The following CSMD1 variants were observed in gnomAD, a reference collection of about 807,000 sequenced individuals.
The protein encoded by CSMD1 is CUB and Sushi multiple domains 1, also known as CUB and sushi domain-containing protein 1.
In CSMD1, 213 loss-of-function variants were observed where a neutral mutation model predicts 417.5. The observed-to-expected ratio is 0.51, with a 90% CI of 0.46 to 0.57. The LOEUF (loss-of-function observed/expected upper bound fraction) is 0.57, where lower values mean the gene tolerates loss of function less well. Ranked by LOEUF, CSMD1 falls within the 20% of genes least tolerant of loss-of-function variation. CSMD1 has a pLI of 0.00. For synonymous variants in CSMD1, 2,862 were observed against 1,736.8 expected, an observed-to-expected ratio of 1.65 and a Z score of -16.11; for missense variants, 6,923 against 4,529.7, an observed-to-expected ratio of 1.53 and a Z score of -15.17.
chr8:3,980,124 A>G (rs1813738381), intron 5 of CSMD1, among the ~76,000 whole-genome samples: 1 of 133,614 alleles, frequency 7.5e-6, no homozygotes, highest in Non-Finnish European at 1.6e-5. Flanking sequence ...AATAGGTTTT[A>G]TCATTGTATA....
chr8:4,988,887 G>A (rs1340714197), intron 1 of CSMD1, among the ~76,000 whole-genome samples: 2 of 152,046 alleles, frequency 1.3e-5, no homozygotes, highest in Non-Finnish European at 2.9e-5. Flanking sequence ...AATTTCAGCT[G>A]GCTCAATTAT....
At chr8:4,747,000 C>T (rs934181632) in intron 1 of CSMD1, among the ~76,000 whole-genome samples, 20 of 152,128 alleles carry the variant, frequency 1.3e-4, no homozygotes, top group Non-Finnish European at 1.0e-4. Context: ...GCAGGGAACT[C>T]GTGAGAAGGC....
chr8:3,049,617 A>G (rs542304804), intron 50 of CSMD1, among the ~76,000 whole-genome samples: 1 of 136,830 alleles, frequency 7.3e-6, no homozygotes, highest in African/African-American at 2.6e-5. Context: ...AGGAGACTTT[A>G]AGGGCCACAA....
At chr8:3,489,596 G>A (rs1818255386) in intron 11 of CSMD1, among the ~76,000 whole-genome samples, 1 of 152,164 alleles carries the variant, frequency 6.6e-6, no homozygotes. Flanking sequence ...TTTTAAGCCT[G>A]ACATTCTATA....
At chr8:3,707,864 C>G (rs974663653) in intron 7 of CSMD1, among the ~76,000 whole-genome samples, 3 of 152,254 alleles carry the variant, frequency 2.0e-5, no homozygotes, top group East Asian at 3.9e-4. Context: ...GTGGGAGACA[C>G]CTTCATTCCT....
chr8:4,479,520 C>G (rs540955581), intron 2 of CSMD1, among the ~76,000 whole-genome samples: 2 of 152,116 alleles, frequency 1.3e-5, no homozygotes, highest in African/African-American at 2.4e-5. Context: ...ATACCTTTGC[C>G]TCTTATTTAC....
intron 1 of CSMD1, among the ~76,000 whole-genome samples, chr8:4,937,149 G>T (rs187682971): frequency 1.1e-4 from 16 of 152,262 alleles, no homozygotes; most frequent in African/African-American, 3.1e-4. Flanking sequence ...GGAGCTCAAG[G>T]CTGCAGTGAG....
chr8:4,394,048 T>C (rs984118148), intron 3 of CSMD1, among the ~76,000 whole-genome samples: 3 of 152,292 alleles, frequency 2.0e-5, no homozygotes, highest in African/African-American at 2.4e-5. Context: ...GAAGGGCTAA[T>C]ACTTCTCAGT....
chr8:3,988,847 A>T (rs572079839), intron 5 of CSMD1, among the ~76,000 whole-genome samples: 24 of 152,298 alleles, frequency 1.6e-4, no homozygotes, highest in Non-Finnish European at 5.9e-5. Flanking sequence ...TTTTTCCTTT[A>T]AAGTGATATT....
At chr8:4,183,815 A>T (rs1041602745) in intron 3 of CSMD1, among the ~76,000 whole-genome samples, 15 of 152,212 alleles carry the variant, frequency 9.9e-5, no homozygotes, top group Admixed American at 3.3e-4. Context: ...GTAAGTACTT[A>T]TTAAATGTCT....
At chr8:4,528,231 A>G (rs1796617716) in intron 2 of CSMD1, among the ~76,000 whole-genome samples, 1 of 152,140 alleles carries the variant, frequency 6.6e-6, no homozygotes, top group African/African-American at 2.4e-5. Context: ...TTCAGTGATA[A>G]GACAATATCT....
At chr8:4,575,599 A>G (rs1484190238) in intron 2 of CSMD1, among the ~76,000 whole-genome samples, 4 of 152,322 alleles carry the variant, frequency 2.6e-5, no homozygotes, top group Admixed American at 6.5e-5. Flanking sequence ...ATTCATTATG[A>G]TATGGTAGAC....
chr8:3,791,597 G>C (rs1314095884), intron 5 of CSMD1, among the ~76,000 whole-genome samples: 1 of 152,188 alleles, frequency 6.6e-6, no homozygotes, highest in South Asian at 2.1e-4. Flanking sequence ...GCCTAGGAGG[G>C]TTGATCACAT....
At chr8:4,705,942 A>C (rs1041115319) in intron 1 of CSMD1, among the ~76,000 whole-genome samples, 3 of 152,022 alleles carry the variant, frequency 2.0e-5, no homozygotes. Flanking sequence ...TTGATAAAGA[A>C]ATCTCTTCAA....
At chr8:3,481,136 C>T (rs1319817907) in intron 11 of CSMD1, among the ~76,000 whole-genome samples, 3 of 113,766 alleles carry the variant, frequency 2.6e-5, no homozygotes, top group Admixed American at 2.8e-4. Flanking sequence ...GCCTGGGCAA[C>T]AGAGCGAGAC....
intron 5 of CSMD1, among the ~76,000 whole-genome samples, chr8:3,855,318 A>G (rs1029563158): frequency 2.0e-5 from 3 of 152,194 alleles, no homozygotes; most frequent in South Asian, 2.1e-4. Flanking sequence ...AAAATTATCT[A>G]TATTTTTTCA....
rs547005318 is a variant in CSMD1 at position 4,509,046 on chromosome 8, T to A, written c.303-88981A>T. 4.0e-5 allele frequency among the ~76,000 whole-genome samples: 6 copies of A among 151,798 alleles called. No individual in the cohort carries two copies. The East Asian group carries it at 1.2e-3, about 30-fold the overall frequency. ...ACATGAGAAGCAGGAATTCCAGAAG[T>A]GTGAGTGCAAAGATGATAGAAGAGG... is the stretch of plus-strand genomic sequence containing the variant. On this transcript the variant is annotated intron_variant, in intron 2 of 69. Coordinates refer to ENST00000635120, the MANE Select transcript of CSMD1 (RefSeq NM_033225.6).
intron 5 of CSMD1, among the ~76,000 whole-genome samples, chr8:3,896,549 T>C (rs1807379696): frequency 6.6e-6 from 1 of 151,988 alleles, no homozygotes; most frequent in Admixed American, 6.6e-5. Flanking sequence ...TCTCGCTCTG[T>C]CACCCAGGCT....
rs78578808 is a variant in CSMD1, at chr8:4,393,212, T to C, written c.415+26741A>G. Among the ~76,000 whole-genome samples the C allele has an allele frequency of 3.9e-3, 592 of 151,986 alleles. 21 individuals carry two copies. The East Asian group carries it at 0.084, about 22-fold the overall frequency. On this transcript the variant is annotated intron_variant, in intron 3 of 69. Coordinates refer to ENST00000635120, the MANE Select transcript of CSMD1 (RefSeq NM_033225.6). ...GATGGTCTCAAACTCCTCAGCTAAA[T>C]TGATCTACCCACATCAGCCTCCCAA...
Sources: allele counts gnomAD v4.1 joint callset (sites outside exome capture counted in the v4.1 genomes callset), GRCh38; gene constraint gnomAD v4.1.1; transcripts MANE v1.5; gene names NCBI Gene and HGNC (gene_info 2026-07-23, HGNC 2026-07-21).